Variants in SLCO3A1 observed in about 807,000 individuals in gnomAD.
SLCO3A1 encodes PGE1 transporter.
Under a neutral mutation model 63.1 loss-of-function variants are expected in SLCO3A1, and 27 were observed. The ratio of observed to expected loss-of-function variants is 0.43; its 90% CI spans 0.32 to 0.59. The LOEUF is 0.59. SLCO3A1 is among the 20% of genes least tolerant of loss of function. The pLI, the probability that SLCO3A1 is intolerant of heterozygous loss-of-function variation, is 0.09. For synonymous variants in SLCO3A1, 473 were observed against 409.9 expected, an observed-to-expected ratio of 1.15 and a Z score of -1.86; for missense variants, 773 against 945.8, an observed-to-expected ratio of 0.82 and a Z score of 2.40.
chr15:92,064,436 T>A (rs2047124437), intron 2 of SLCO3A1, among the ~76,000 whole-genome samples: 1 of 152,230 alleles, frequency 6.6e-6, no homozygotes, highest in African/African-American at 2.4e-5. Flanking sequence ...GCAGAAGCTT[T>A]TTAGCTTAAT....
intron 2 of SLCO3A1, among the ~76,000 whole-genome samples, chr15:91,969,489 A>G (rs1465178821): frequency 6.6e-6 from 1 of 151,942 alleles, no homozygotes; most frequent in Admixed American, 6.6e-5. Context: ...TATTTTTAGT[A>G]AAGTAGGGGG....
intron 6 of SLCO3A1, among the ~76,000 whole-genome samples, chr15:92,126,642 T>C (rs117261134): frequency 2.3e-3 from 348 of 152,286 alleles, no homozygotes; most frequent in Non-Finnish European, 3.1e-3. Flanking sequence ...GAAGCTGTCA[T>C]TAGGCTCACA....
intron 2 of SLCO3A1, among the ~76,000 whole-genome samples, chr15:92,094,300 G>A (rs2047512242): frequency 6.6e-6 from 1 of 152,180 alleles, no homozygotes; most frequent in Non-Finnish European, 1.5e-5. Flanking sequence ...AACGTGGACA[G>A]AAATTGAAGA....
At chr15:92,077,127 G>A (rs556655149) in intron 2 of SLCO3A1, among the ~76,000 whole-genome samples, 4 of 152,056 alleles carry the variant, frequency 2.6e-5, no homozygotes, top group Admixed American at 6.5e-5. Flanking sequence ...ACTCCCTATC[G>A]TGAGAACAGC....
At chr15:91,926,907 T>C (rs1018530474) in intron 2 of SLCO3A1, among the ~76,000 whole-genome samples, 6 of 152,102 alleles carry the variant, frequency 3.9e-5, no homozygotes, top group African/African-American at 7.2e-5. Context: ...GTTAAAACCA[T>C]ATAAAGACCT....
chr15:92,119,761 A>G (rs2047839797), intron 4 of SLCO3A1, among the ~76,000 whole-genome samples: 1 of 152,122 alleles, frequency 6.6e-6, no homozygotes, highest in African/African-American at 2.4e-5. Context: ...TTGAGCAGGA[A>G]ACTGATTTGA....
intron 2 of SLCO3A1, among the ~76,000 whole-genome samples, chr15:91,930,737 A>G (rs1241591386): frequency 1.3e-5 from 2 of 152,242 alleles, no homozygotes; most frequent in Admixed American, 6.5e-5. Flanking sequence ...TTTATTAAGC[A>G]CTTATTGTGT....
At chr15:92,149,855 A>T (rs1428623625) in intron 8 of SLCO3A1, 1 of 152,230 alleles carries the variant, frequency 6.6e-6, no homozygotes, top group Non-Finnish European at 1.5e-5. Flanking sequence ...TGATAAGGAG[A>T]ATTTGTCTCT....
intron 2 of SLCO3A1, among the ~76,000 whole-genome samples, chr15:91,932,451 G>GTT (rs559551525): frequency 2.7e-5 from 4 of 145,800 alleles, no homozygotes. Flanking sequence ...TTTATTAGCA[G>GTT]TTTTTTTTTT....
intron 4 of SLCO3A1, among the ~76,000 whole-genome samples, chr15:92,115,843 C>CT (rs1491504068): frequency 6.2e-5 from 7 of 112,036 alleles, no homozygotes; most frequent in Non-Finnish European, 1.1e-4. Flanking sequence ...AAAAAATGGA[C>CT]TAAGTCCCAG....
intron 4 of SLCO3A1, among the ~76,000 whole-genome samples, chr15:92,120,140 G>A (rs997083893): frequency 4.0e-5 from 6 of 151,846 alleles, no homozygotes; most frequent in Non-Finnish European, 5.9e-5. Context: ...TCTGTTAGTA[G>A]AGGATGAAAA....
Position 91,941,262 on chromosome 15 carries a change from G to A in SLCO3A1, c.646+24804G>A, listed in dbSNP as rs1170181166. ...TTCTCCTGAGAAGGGAATGTGAGCTGGTTTAGGTGTGTTGGGGCAGGGCGG... is the reference window on the plus strand; with the variant it reads ...TTCTCCTGAGAAGGGAATGTGAGCTAGTTTAGGTGTGTTGGGGCAGGGCGG... On this transcript the variant is annotated intron_variant, in intron 2 of 9. Coordinates refer to ENST00000318445, the MANE Select transcript of SLCO3A1 (RefSeq NM_013272.4). This position sits in a 1 kb window ranked among gnomAD's most constrained non-coding sequence, Gnocchi z 4.4. 2 of 244,270 alleles carry A rather than the reference G, an allele frequency of 8.2e-6. No homozygotes were observed. The highest frequency in any genetic ancestry group is 1.7e-5 in the Non-Finnish European group (2 of 120,926). 15.1% of individuals were successfully genotyped at this position (244,270 alleles called of 1,614,324 possible).
chr15:92,170,832 ATTCATCAGCCT>A (rs2048517144), downstream of SLCO3A1: 1 of 152,240 alleles, frequency 6.6e-6, no homozygotes, highest in Non-Finnish European at 1.5e-5. Context: ...CTTCCCAGCC[ATTCATCAGCCT>A]TTATCTTATT....
At position 92,030,477 on chromosome 15, in the gene SLCO3A1, A is replaced by G. The variant is rs557966758; in HGVS notation, c.647-64404A>G. Reference sequence around the variant, plus strand: ...CGCAGTCAGTAACACAGCCATTACTATGCCGTCTAAGACAGATTAAAAACC... The same window carrying G: ...CGCAGTCAGTAACACAGCCATTACTGTGCCGTCTAAGACAGATTAAAAACC... On this transcript the variant is annotated intron_variant, in intron 2 of 9. Coordinates refer to ENST00000318445, the MANE Select transcript of SLCO3A1 (RefSeq NM_013272.4). 1.4e-3 allele frequency among the ~76,000 whole-genome samples: 209 copies of G among 152,300 alleles called. 1 individual carries two copies. The highest frequency in any genetic ancestry group is 4.7e-3 in the African/African-American group (197 of 41,556).
intron 2 of SLCO3A1, among the ~76,000 whole-genome samples, chr15:92,087,513 A>ATTTT (rs1454617874): frequency 4.4e-5 from 6 of 136,548 alleles, no homozygotes; most frequent in African/African-American, 1.5e-4. Context: ...TTTATTATCT[A>ATTTT]TTATTTTTTT....
intron 1 of SLCO3A1, among the ~76,000 whole-genome samples, chr15:91,877,858 C>T (rs1449472194): frequency 1.3e-5 from 2 of 152,054 alleles, no homozygotes; most frequent in Admixed American, 6.6e-5. Context: ...AAGCCTGCAG[C>T]CAAAAGTTAG....
chr15:92,032,384 A>T (rs1177958734), intron 2 of SLCO3A1, among the ~76,000 whole-genome samples: 2 of 152,056 alleles, frequency 1.3e-5, no homozygotes, highest in African/African-American at 2.4e-5. Context: ...TCAACACAGC[A>T]TTCTAGGTGG....
chr15:92,164,755 A>G lies in SLCO3A1; in HGVS notation c.*1620A>G. 2 of 985,386 alleles carry G rather than the reference A, an allele frequency of 2.0e-6. No individual in the cohort carries two copies. The highest frequency in any genetic ancestry group is 2.4e-6 in the Non-Finnish European group (2 of 829,930). 61.0% of individuals were successfully genotyped at this position (985,386 alleles called of 1,614,324 possible). On this transcript the variant is annotated 3_prime_UTR_variant, in exon 10 of 10. Transcript: ENST00000318445. ...GAAGGTGGGTGAACCTCAGAGAATG[A>G]ACCTGTTATGATTTGGGGTAAGAAT...
At chr15:91,908,782 C>T (rs1010633103) in intron 1 of SLCO3A1, 4 of 141,140 alleles carry the variant, frequency 2.8e-5, no homozygotes, top group Non-Finnish European at 6.4e-5. Flanking sequence ...AAAACTTGGC[C>T]GGGCACGGTG....
Sources: allele counts gnomAD v4.1 joint callset (sites outside exome capture counted in the v4.1 genomes callset), GRCh38; gene constraint gnomAD v4.1.1; non-coding constraint Gnocchi (gnomAD v3.1); transcripts MANE v1.5; gene names NCBI Gene and HGNC (gene_info 2026-07-23, HGNC 2026-07-21).